Variants in TCAF1 observed in about 807,000 individuals in gnomAD.
TCAF1 encodes TRPM8 channel-associated factor 1.
In TCAF1, 4 loss-of-function variants were observed where a neutral mutation model predicts 27.3. That is an observed-to-expected ratio of 0.15 (90% CI 0.07 to 0.34). TCAF1 has a LOEUF of 0.34. Ranked by LOEUF, TCAF1 falls within the 10% of genes least tolerant of loss-of-function variation. The pLI is 1.00. For synonymous variants in TCAF1, 105 were observed against 167.1 expected, an observed-to-expected ratio of 0.63 and a Z score of 2.87; for missense variants, 257 against 425.8, an observed-to-expected ratio of 0.60 and a Z score of 3.49.
intron 1 of TCAF1, among the ~76,000 whole-genome samples, chr7:143,889,218 T>C (rs904236433): frequency 1.3e-5 from 2 of 152,150 alleles, no homozygotes; most frequent in Non-Finnish European, 2.9e-5. Context: ...GAGGTTCAAA[T>C]AGATATAATA....
intron 1 of TCAF1, among the ~76,000 whole-genome samples, chr7:143,879,087 C>T (rs893701953): frequency 2.0e-5 from 3 of 152,192 alleles, no homozygotes; most frequent in South Asian, 2.1e-4. Flanking sequence ...TGCAGCATCC[C>T]GTCTGCCAGG....
At chr7:143,886,302 C>T (rs1254733783) in intron 1 of TCAF1, among the ~76,000 whole-genome samples, 3 of 152,154 alleles carry the variant, frequency 2.0e-5, no homozygotes, top group Non-Finnish European at 4.4e-5. Flanking sequence ...AAACTGTTCT[C>T]TGGAAGAGAC....
chr7:143,893,118 GT>G (rs1461526502), intron 1 of TCAF1, among the ~76,000 whole-genome samples: 5 of 152,188 alleles, frequency 3.3e-5, no homozygotes, highest in Non-Finnish European at 7.4e-5. Context: ...AAGAAAGCTA[GT>G]ATGGCTTATG....
intron 6 of TCAF1, among the ~76,000 whole-genome samples, chr7:143,859,981 T>A (rs1189771716): frequency 2.3e-5 from 1 of 43,512 alleles, no homozygotes; most frequent in South Asian, 6.3e-4. Context: ...ATAATATATA[T>A]TATATAATAT....
At chr7:143,860,016 T>A in intron 6 of TCAF1, among the ~76,000 whole-genome samples, 192 bp downstream of exon 6, 1 of 61,594 alleles carries the variant, frequency 1.6e-5, no homozygotes, top group South Asian at 3.7e-4. Context: ...ATATATAATA[T>A]ATATTATATA....
At chr7:143,889,045 T>C (rs1048787236) in intron 1 of TCAF1, among the ~76,000 whole-genome samples, 11 of 152,154 alleles carry the variant, frequency 7.2e-5, no homozygotes, top group South Asian at 2.1e-4. Flanking sequence ...TTGAAGAGAC[T>C]AAATAGAAGA....
rs140117212 is a variant in TCAF1 at position 143,888,310 on chromosome 7, A to G, written c.-14-11688T>C. Among the ~76,000 whole-genome samples the G allele has an allele frequency of 6.1e-3, 934 of 152,312 alleles. 5 individuals are homozygous for G. Among genetic ancestry groups the G allele is most frequent in the Admixed American group, 9.0e-3 (138 of 15,308 alleles). ...AGCATGAAAGCTGGCTCTCACCACA[A>G]TGCTTCCACAAAACCCTGGAGAATG... is the stretch of plus-strand genomic sequence containing the variant. On this transcript the variant is annotated intron_variant, in intron 1 of 8. Transcript: ENST00000479870.
chr7:143,888,758 T>C (rs559255085), intron 1 of TCAF1, among the ~76,000 whole-genome samples: 1 of 152,170 alleles, frequency 6.6e-6, no homozygotes, highest in South Asian at 2.1e-4. Context: ...AAAATTCACA[T>C]GAAAGGAGAA....
intron 6 of TCAF1, among the ~76,000 whole-genome samples, chr7:143,859,912 TACGGAA>T (rs1811819227): frequency 2.9e-4 from 11 of 38,232 alleles, no homozygotes; most frequent in Non-Finnish European, 3.8e-4. Context: ...TAATATATAT[TACGGAA>T]TATATATTAT....
At chr7:143,885,105 T>C in intron 1 of TCAF1, 1 of 970,422 alleles carries the variant, frequency 1.0e-6, no homozygotes, top group Non-Finnish European at 1.2e-6. Context: ...CAGTGCCTCC[T>C]TCTCCCACCC....
chr7:143,852,206 GTCTT>G lies in TCAF1; in HGVS notation c.*1923_*1926del, dbSNP rs1384587753. 3 of 151,652 alleles carry G rather than the reference GTCTT, an allele frequency of 2.0e-5. No homozygotes were observed. The highest frequency in any genetic ancestry group is 6.6e-5 in the Admixed American group (1 of 15,110). The allele number at this position is 151,652 out of a possible 1,614,324, so 9.4% of individuals were successfully genotyped here. A position where few individuals can be genotyped will look rare whatever the true frequency, so the allele number is the denominator to read the frequency against. ...GAATTTTTTGACATATTGTTGATTT[GTCTT>G]TCTTTTTTCTTGACTAAATAATCTT... On this transcript the variant is annotated 3_prime_UTR_variant, in exon 9 of 9. Coordinates refer to ENST00000479870, the MANE Select transcript of TCAF1 (RefSeq NM_014719.3).
chr7:143,860,767 C>A, intron 5 of TCAF1, among the ~76,000 whole-genome samples: 1 of 147,898 alleles, frequency 6.8e-6, no homozygotes, highest in African/African-American at 2.5e-5. Context: ...GTGTGTTGTT[C>A]CCCTCCCTGT....
At chr7:143,875,154 A>T (rs1265977935) in intron 2 of TCAF1, among the ~76,000 whole-genome samples, 15 of 152,126 alleles carry the variant, frequency 9.9e-5, no homozygotes, top group Admixed American at 9.2e-4. Context: ...CTCCATTCCC[A>T]TCAGTCAGAA....
intron 1 of TCAF1, chr7:143,882,401 C>T (rs1383725959): frequency 3.0e-6 from 3 of 985,296 alleles, no homozygotes; most frequent in African/African-American, 1.7e-5. Context: ...GCGGATTAGA[C>T]GCGGTTCTCT....
At chr7:143,871,274 C>T (rs1812449331) in intron 2 of TCAF1, among the ~76,000 whole-genome samples, 1 of 144,862 alleles carries the variant, frequency 6.9e-6, no homozygotes, top group East Asian at 2.0e-4. Flanking sequence ...TAAGTAAATA[C>T]TAAAAAAAAA....
At position 143,867,928 on chromosome 7, in the gene TCAF1, A is replaced by G. The variant is rs1192016231; in HGVS notation, c.621-4132T>C. ...AATTACCTGAGCAACTCTGTCAAAA[A>G]ACAATTTACCATAAATCTGTGGGTC... On this transcript the variant is annotated intron_variant, in intron 2 of 8. Transcript: ENST00000479870. Among the ~76,000 whole-genome samples, 7 of 81,898 alleles carry G rather than the reference A, an allele frequency of 8.5e-5. 3 individuals carry two copies. The highest frequency in any genetic ancestry group is 2.9e-4 in the African/African-American group (7 of 24,048). The allele number at this position is 81,898 out of a possible 152,430, so 53.7% of individuals were successfully genotyped here. A position where few individuals can be genotyped will look rare whatever the true frequency, so the allele number is the denominator to read the frequency against.
chr7:143,877,650 C>CT (rs1299211413), intron 1 of TCAF1, among the ~76,000 whole-genome samples: 2 of 152,338 alleles, frequency 1.3e-5, no homozygotes, highest in Non-Finnish European at 2.9e-5. Context: ...AGTCTGACCT[C>CT]TGCTATGAGC....
chr7:143,900,475 A>G (rs1814067963), intron 1 of TCAF1, among the ~76,000 whole-genome samples: 1 of 152,048 alleles, frequency 6.6e-6, no homozygotes, highest in South Asian at 2.1e-4. Context: ...AGTGAGGCCA[A>G]TCGGCCTGCC....
intron 1 of TCAF1, among the ~76,000 whole-genome samples, chr7:143,897,171 T>TATATATATATATAC (rs1813919012): frequency 3.9e-5 from 5 of 126,738 alleles, no homozygotes; most frequent in Admixed American, 8.2e-5. Context: ...TATATATATA[T>TATATATATATATAC]ATATATTCAT....
Sources: gnomAD v4.1 joint callset for allele counts (sites outside exome capture counted in the v4.1 genomes callset) on GRCh38, gnomAD v4.1.1 for gene constraint, MANE v1.5 for transcripts, NCBI Gene and HGNC (gene_info 2026-07-23, HGNC 2026-07-21) for gene names.